The following EPSTI1 variants were observed in gnomAD, a reference collection of about 807,000 sequenced individuals.
The protein encoded by EPSTI1 is epithelial-stromal interaction protein 1.
A neutral mutation model predicts 49.9 loss-of-function variants in EPSTI1; 66 were observed. The ratio of observed to expected loss-of-function variants is 1.32; its 90% CI spans 1.08 to 1.62. The LOEUF (loss-of-function observed/expected upper bound fraction) is 1.62. Ranked by LOEUF, EPSTI1 falls within the 40% of genes most tolerant of loss-of-function variation. EPSTI1 has a pLI of 0.00. For synonymous variants in EPSTI1, 137 were observed against 130.7 expected (o/e 1.05, Z -0.33); for missense variants, 394 against 365.5 (o/e 1.08, Z -0.64).
Position 42,895,630 on chromosome 13 carries a change from C to A in EPSTI1, c.816-522G>T, listed in dbSNP as rs968866035. On this transcript the variant is annotated intron_variant, in intron 9 of 10. Coordinates refer to ENST00000313624, the MANE Select transcript of EPSTI1 (RefSeq NM_033255.5). ...AGCTTATATTATTCTATTTCTGGAG[C>A]TTGCTACCTGGTTGTTCACTTTATA... Among the ~76,000 whole-genome samples the A allele has an allele frequency of 2.0e-5, 3 of 152,216 alleles. No homozygotes were observed. In the South Asian group the frequency reaches 6.2e-4, roughly 31 times the overall value.
intron 8 of EPSTI1, among the ~76,000 whole-genome samples, chr13:42,911,796 A>G (rs1224340624): frequency 7.9e-5 from 12 of 152,132 alleles, no homozygotes; most frequent in Admixed American, 7.9e-4. Flanking sequence ...TTAGAGTTTT[A>G]TTATTAATTT....
intron 8 of EPSTI1, among the ~76,000 whole-genome samples, chr13:42,916,109 A>G (rs7986428): frequency 0.92 from 140,010 of 152,114 alleles, 65,565 homozygotes; most frequent in East Asian, 1. Context: ...CATAGAAGCA[A>G]ATGAACACTT....
chr13:42,959,961 T>A (rs1264139553), intron 5 of EPSTI1, among the ~76,000 whole-genome samples: 1 of 152,196 alleles, frequency 6.6e-6, no homozygotes, highest in African/African-American at 2.4e-5. Context: ...ATAACAACTA[T>A]TTACACAACA....
At chr13:42,976,709 T>G (rs1312139745) in intron 1 of EPSTI1, among the ~76,000 whole-genome samples, 3 of 152,196 alleles carry the variant, frequency 2.0e-5, no homozygotes, top group Non-Finnish European at 4.4e-5. Flanking sequence ...CATAGAACAC[T>G]TAGAAATGAA....
intron 3 of EPSTI1, among the ~76,000 whole-genome samples, chr13:42,967,707 TG>T (rs996226090): frequency 6.6e-6 from 1 of 151,746 alleles, no homozygotes; most frequent in Admixed American, 6.6e-5. Flanking sequence ...TAGCAGAGAG[TG>T]GGGGATGCTG....
At chr13:42,889,519 C>T (rs2153407158) in intron 10 of EPSTI1, among the ~76,000 whole-genome samples, 1 of 152,254 alleles carries the variant, frequency 6.6e-6, no homozygotes, top group Non-Finnish European at 1.5e-5. Context: ...CCGATATTTC[C>T]TCCAAGCCTC....
chr13:42,983,494 G>T (rs1260068319), intron 1 of EPSTI1, among the ~76,000 whole-genome samples: 8 of 146,530 alleles, frequency 5.5e-5, no homozygotes, highest in African/African-American at 2.0e-4. Flanking sequence ...AAGCCAGGAG[G>T]CGGAGTTTGC....
intron 1 of EPSTI1, among the ~76,000 whole-genome samples, chr13:42,990,836 GGA>G (rs752472114): frequency 1.6e-4 from 25 of 152,182 alleles, no homozygotes; most frequent in Non-Finnish European, 2.6e-4. Flanking sequence ...CGATGAAAAA[GGA>G]GAGACTAAAA....
chr13:42,983,563 CAAAAAAA>C (rs56259281), intron 1 of EPSTI1, among the ~76,000 whole-genome samples: 16 of 95,500 alleles, frequency 1.7e-4, no homozygotes, highest in Admixed American at 9.3e-4. Flanking sequence ...GACTCCATCT[CAAAAAAA>C]AAAAAAAAAA....
At chr13:42,946,473 A>G (rs2038920952) in intron 6 of EPSTI1, among the ~76,000 whole-genome samples, 1 of 152,150 alleles carries the variant, frequency 6.6e-6, no homozygotes, top group Non-Finnish European at 1.5e-5. Context: ...CAGCCAGGAG[A>G]GGTCACAAAA....
chr13:42,942,443 G>A (rs147734243), intron 6 of EPSTI1, among the ~76,000 whole-genome samples: 1 of 151,678 alleles, frequency 6.6e-6, no homozygotes, highest in Non-Finnish European at 1.5e-5. Context: ...ATATGTTTTT[G>A]TGTTATTTAT....
chr13:42,910,348 G>A (rs997336561), intron 8 of EPSTI1, among the ~76,000 whole-genome samples: 11 of 143,540 alleles, frequency 7.7e-5, no homozygotes, highest in Admixed American at 3.8e-4. Flanking sequence ...TGCAACCTCC[G>A]GCTCCTGGGT....
intron 8 of EPSTI1, among the ~76,000 whole-genome samples, chr13:42,904,333 C>T (rs754247288): frequency 1.3e-5 from 2 of 152,170 alleles, no homozygotes; most frequent in Non-Finnish European, 2.9e-5. Flanking sequence ...TACAGGTTGC[C>T]TGTCAGTTCA....
chr13:42,904,002 ATCTGAGTG>A (rs1335730726), intron 8 of EPSTI1, among the ~76,000 whole-genome samples: 3 of 152,252 alleles, frequency 2.0e-5, no homozygotes, highest in Non-Finnish European at 4.4e-5. Context: ...TTCATTAAAT[ATCTGAGTG>A]TCTATTATGA....
intron 7 of EPSTI1, chr13:42,919,177 A>T: frequency 1.3e-6 from 1 of 763,642 alleles, no homozygotes; most frequent in Non-Finnish European, 2.1e-6. Flanking sequence ...CTCAGAAAAA[A>T]GTGGTTATTA....
At chr13:42,973,972 G>C (rs867338535) in intron 1 of EPSTI1, among the ~76,000 whole-genome samples, 2 of 152,292 alleles carry the variant, frequency 1.3e-5, no homozygotes, top group South Asian at 4.1e-4. Flanking sequence ...TACTGAGGGA[G>C]AATATATGAA....
chr13:42,918,027 CG>C (rs1300616478), intron 7 of EPSTI1, among the ~76,000 whole-genome samples: 1 of 152,124 alleles, frequency 6.6e-6, no homozygotes, highest in Non-Finnish European at 1.5e-5. Flanking sequence ...TTTAGAAGAA[CG>C]GGCATGTCTA....
At chr13:42,915,212 T>C (rs7981951) in intron 8 of EPSTI1, among the ~76,000 whole-genome samples, 40,281 of 152,172 alleles carry the variant, frequency 0.26, 5,420 homozygotes, top group Middle Eastern at 0.28. Context: ...ATTCAAGTGA[T>C]AAGGAATGAA....
chr13:42,910,693 G>A (rs1258213999), intron 8 of EPSTI1, among the ~76,000 whole-genome samples: 1 of 152,022 alleles, frequency 6.6e-6, no homozygotes, highest in Non-Finnish European at 1.5e-5. Flanking sequence ...GTTTTATCAA[G>A]TTGGTTAAAA....
Sources: allele counts gnomAD v4.1 joint callset (sites outside exome capture counted in the v4.1 genomes callset), GRCh38; gene constraint gnomAD v4.1.1; transcripts MANE v1.5; gene names NCBI Gene and HGNC (gene_info 2026-07-23, HGNC 2026-07-21).